TADA2A: variants seen among roughly 807,000 people sequenced by gnomAD.
TADA2A encodes transcriptional adaptor 2A.
A neutral mutation model predicts 67.4 loss-of-function variants in TADA2A; 38 were observed. The ratio of observed to expected loss-of-function variants is 0.56; its 90% CI spans 0.44 to 0.74. The LOEUF (loss-of-function observed/expected upper bound fraction) is 0.74. Among genes scored for constraint, TADA2A ranks in the 30% least tolerant of loss-of-function variants. The probability of loss-of-function intolerance (pLI) is 0.00; values close to 1 mark genes in which losing one functional copy is unlikely to be tolerated. For missense variants in TADA2A, 454 were observed against 547.0 expected, an observed-to-expected ratio of 0.83 and a Z score of 1.70; for synonymous variants, 192 against 181.6, an observed-to-expected ratio of 1.06 and a Z score of -0.46.
chr17:37,458,784 C>G (rs879626278), intron 9 of TADA2A, among the ~76,000 whole-genome samples, 197 bp downstream of exon 9: 4 of 152,056 alleles, frequency 2.6e-5, no homozygotes, highest in Non-Finnish European at 5.9e-5. Context: ...TCAATTGATT[C>G]TCCCACCTCA....
intron 9 of TADA2A, 82 bp downstream of exon 9, chr17:37,458,669 G>T: frequency 2.2e-6 from 2 of 915,448 alleles, no homozygotes; most frequent in Middle Eastern, 3.6e-4. Context: ...GTGTGTGTGT[G>T]TGTGTCTGTG....
At chr17:37,443,860 A>G (rs368544553) in intron 7 of TADA2A, among the ~76,000 whole-genome samples, 1 of 152,190 alleles carries the variant, frequency 6.6e-6, no homozygotes. Flanking sequence ...TATAAAAACT[A>G]TATGTTCCTT....
intron 2 of TADA2A, among the ~76,000 whole-genome samples, chr17:37,420,058 A>G (rs1187803884): frequency 6.8e-6 from 1 of 146,480 alleles, no homozygotes; most frequent in African/African-American, 2.5e-5. Flanking sequence ...CCTTTTTTAA[A>G]AATAGGATAG....
At chr17:37,433,728 G>A (rs956403922) in intron 4 of TADA2A, among the ~76,000 whole-genome samples, 2 of 151,974 alleles carry the variant, frequency 1.3e-5, no homozygotes, top group Admixed American at 6.6e-5. Flanking sequence ...CGAGGTGGGC[G>A]GATTACTTGA....
At chr17:37,461,367 C>T (rs903347198) in intron 9 of TADA2A, among the ~76,000 whole-genome samples, 10 of 152,180 alleles carry the variant, frequency 6.6e-5, no homozygotes, top group African/African-American at 2.4e-4. Context: ...AACTTACTCT[C>T]TGCATGTCTG....
rs937311668 is a variant in TADA2A, at chr17:37,460,010, G to A, written c.668+1423G>A. 4.6e-5 allele frequency among the ~76,000 whole-genome samples: 7 copies of A among 151,266 alleles called. No individual in the cohort carries two copies. In the South Asian group the frequency reaches 1.5e-3, roughly 32 times the overall value. On this transcript the variant is annotated intron_variant, in intron 9 of 15. Coordinates refer to ENST00000615182, the MANE Select transcript of TADA2A (RefSeq NM_001166105.3). ...GAACCTGGGAGACGGAGGTTGCAGTGAGCCAAGATCACACCACTGCACTCC... is the reference window on the plus strand; with the variant it reads ...GAACCTGGGAGACGGAGGTTGCAGTAAGCCAAGATCACACCACTGCACTCC...
At chr17:37,431,723 C>T (rs895419466) in intron 4 of TADA2A, among the ~76,000 whole-genome samples, 2 of 151,930 alleles carry the variant, frequency 1.3e-5, no homozygotes, top group Non-Finnish European at 2.9e-5. Context: ...TACAGGCACA[C>T]ACCACCGTGC....
At chr17:37,415,510 G>A (rs2052013956) in intron 2 of TADA2A, among the ~76,000 whole-genome samples, 1 of 152,052 alleles carries the variant, frequency 6.6e-6, no homozygotes, top group Admixed American at 6.6e-5. Context: ...AAAATTCCTG[G>A]AAGTGAGATT....
chr17:37,469,313 A>G (rs1022050713), intron 12 of TADA2A, among the ~76,000 whole-genome samples: 2 of 151,486 alleles, frequency 1.3e-5, no homozygotes, highest in African/African-American at 4.8e-5. Flanking sequence ...TTGAAATTAA[A>G]TTTTGTGTGA....
At position 37,435,266 on chromosome 17, in the gene TADA2A, TTTTGTTTGTTTGTTTTCTG is replaced by T. The variant is rs1469128217; in HGVS notation, c.193-2456_193-2438del. On this transcript the variant is annotated intron_variant, in intron 4 of 15. Coordinates refer to ENST00000615182, the MANE Select transcript of TADA2A (RefSeq NM_001166105.3). ...CAATTTAAATACGAGACTACAAGAG[TTTTGTTTGTTTGTTTTCTG>T]TTTGTTTGTTTGTTTGTTTTTGAAA... Among the ~76,000 whole-genome samples, 5 of 151,790 alleles carry T rather than the reference TTTTGTTTGTTTGTTTTCTG, an allele frequency of 3.3e-5. No individual in the cohort carries two copies. The East Asian group carries it at 9.7e-4, about 29-fold the overall frequency.
chr17:37,446,870 TC>T (rs1160771839), intron 8 of TADA2A, among the ~76,000 whole-genome samples: 20 of 152,286 alleles, frequency 1.3e-4, no homozygotes, highest in African/African-American at 4.1e-4. Flanking sequence ...GACTTGCAGT[TC>T]CTTCTGGTTC....
chr17:37,423,809 G>T (rs369822321), intron 3 of TADA2A, among the ~76,000 whole-genome samples, 194 bp downstream of exon 3: 1 of 148,224 alleles, frequency 6.7e-6, no homozygotes, highest in East Asian at 2.0e-4. Context: ...GAGTACAGTG[G>T]TGTCATCTCT....
At position 37,470,456 on chromosome 17, in the gene TADA2A, A is replaced by G; in HGVS notation, c.952A>G (p.Thr318Ala). ...ACGGGAGGAAGAGCGCCTTAAACGC[A>G]CTATGCTCTCAGAAGTTCTCCAGTA... ...KTREEERLKR[T>A]MLSEVLQYIQ... The change falls in exon 13 of 16, where the codon ACT becomes GCT. Residue 318 changes from threonine (T) to alanine (A), a missense_variant. Around this residue, in one of 2 missense-constraint regions of TADA2A, gnomAD observed 403 missense variants for 455.5 expected, o/e 0.88. Transcript: ENST00000615182. 1 of 1,613,434 alleles carries G rather than the reference A, an allele frequency of 6.2e-7. No individual in the cohort carries two copies. Among genetic ancestry groups the G allele is most frequent in the Middle Eastern group, 1.7e-4 (1 of 6,060 alleles).
In TADA2A at chr17:37,458,667, G is replaced by A. The variant is rs865907888; in HGVS notation, c.668+80G>A. The A allele has an allele frequency of 4.3e-6, 5 of 1,158,354 alleles. 1 individual carries two copies. The East Asian group carries it at 9.1e-5, about 21-fold the overall frequency. The allele number at this position is 1,158,354 out of a possible 1,614,324, so 71.8% of individuals were successfully genotyped here. A position where few individuals can be genotyped will look rare whatever the true frequency, so the allele number is the denominator to read the frequency against. ...TGTGTGTGTGTGTGTGTGTGTGTGTGTGTGTGTCTGTGTCTGTGTCTGTGA... is the reference window on the plus strand; with the variant it reads ...TGTGTGTGTGTGTGTGTGTGTGTGTATGTGTGTCTGTGTCTGTGTCTGTGA... On this transcript the variant is annotated intron_variant, in intron 9 of 15. Coordinates refer to ENST00000615182, the MANE Select transcript of TADA2A (RefSeq NM_001166105.3).
chr17:37,428,843 G>A (rs1352492657), intron 4 of TADA2A, among the ~76,000 whole-genome samples: 3 of 151,958 alleles, frequency 2.0e-5, no homozygotes, highest in African/African-American at 4.8e-5. Flanking sequence ...TCAGGAGATC[G>A]AGACCATCCT....
intron 2 of TADA2A, among the ~76,000 whole-genome samples, chr17:37,421,118 G>A (rs1453622209): frequency 6.8e-6 from 1 of 147,016 alleles, no homozygotes; most frequent in Non-Finnish European, 1.5e-5. Flanking sequence ...CTCAGAGCCA[G>A]GTGTGGTGGC....
rs2053335428 is a variant in TADA2A, at chr17:37,454,684, G to A, written c.605-3840G>A. On this transcript the variant is annotated intron_variant, in intron 8 of 15. Transcript: ENST00000615182. ...AGGGACACTTGGAAGAAATTCAAAA[G>A]AAAAGAACCTGCTGAGCAGTCAAAT... 5 of 306,072 alleles carry A rather than the reference G, an allele frequency of 1.6e-5. No homozygotes were observed. The South Asian group carries it at 1.9e-4, about 12-fold the overall frequency. The allele number at this position is 306,072 out of a possible 1,614,324, so 19.0% of individuals were successfully genotyped here.
intron 14 of TADA2A, 143 bp from the exon 15 acceptor site, chr17:37,474,413 T>G: frequency 1.5e-6 from 1 of 682,936 alleles, no homozygotes; most frequent in Non-Finnish European, 2.5e-6. Flanking sequence ...TAAACAGGCC[T>G]GAGGGAATGG....
At chr17:37,462,302 C>A (rs1256460647) in intron 10 of TADA2A, among the ~76,000 whole-genome samples, 181 bp downstream of exon 10, 1 of 152,058 alleles carries the variant, frequency 6.6e-6, no homozygotes, top group Non-Finnish European at 1.5e-5. Context: ...AAAAAGTCTT[C>A]AGGGCAATTC....
Sources: allele counts gnomAD v4.1 joint callset (sites outside exome capture counted in the v4.1 genomes callset), GRCh38; gene constraint gnomAD v4.1.1; regional missense constraint gnomAD v4.1.1; transcripts MANE v1.5; gene names NCBI Gene and HGNC (gene_info 2026-07-23, HGNC 2026-07-21).